Variants in WDPCP observed in about 807,000 individuals in gnomAD.
WDPCP encodes WD repeat-containing and planar cell polarity effector protein fritz homolog.
In WDPCP, 71 loss-of-function variants were observed where a neutral mutation model predicts 93.1. The observed-to-expected ratio is 0.76, with a 90% CI of 0.63 to 0.93. WDPCP has a LOEUF of 0.93. WDPCP is among the 40% of genes least tolerant of loss of function. The probability of loss-of-function intolerance (pLI) is 0.00; values close to 1 mark genes in which losing one functional copy is unlikely to be tolerated. For missense variants in WDPCP, 844 were observed against 887.4 expected, an observed-to-expected ratio of 0.95 and a Z score of 0.62; for synonymous variants, 315 against 315.0, an observed-to-expected ratio of 1.00 and a Z score of 0.00.
intron 10 of WDPCP, among the ~76,000 whole-genome samples, chr2:63,400,043 C>T (rs1694027643): frequency 4.0e-5 from 6 of 151,306 alleles, no homozygotes; most frequent in Admixed American, 2.6e-4. Context: ...ACCATAGAGC[C>T]AAATTCCATA....
intron 3 of WDPCP, chr2:63,643,331 C>A: frequency 2.6e-6 from 1 of 387,820 alleles, no homozygotes; most frequent in South Asian, 2.4e-5. Flanking sequence ...AGGCAGATAC[C>A]CTTTCCTCAG....
chr2:63,599,255 G>T, intron 3 of WDPCP: 1 of 1,613,720 alleles, frequency 6.2e-7, no homozygotes, highest in Non-Finnish European at 8.5e-7. Flanking sequence ...AACTTCAGTT[G>T]CTTGACTCGT....
intron 1 of WDPCP, among the ~76,000 whole-genome samples, chr2:63,509,215 G>A (rs975904402): frequency 3.9e-5 from 6 of 152,064 alleles, no homozygotes; most frequent in Non-Finnish European, 8.8e-5. Flanking sequence ...CAAAAGAATG[G>A]AAATCAAAAC....
chr2:63,136,204 A>G (rs190414915), intron 17 of WDPCP, among the ~76,000 whole-genome samples: 82 of 152,236 alleles, frequency 5.4e-4, no homozygotes, highest in African/African-American at 1.9e-3. Flanking sequence ...GAGGACTTTT[A>G]CCCAAACAGT....
chr2:63,553,517 C>T (rs1705838564), intron 1 of WDPCP, among the ~76,000 whole-genome samples: 1 of 151,992 alleles, frequency 6.6e-6, no homozygotes, highest in South Asian at 2.1e-4. Flanking sequence ...GTATTTTTTT[C>T]AAGATTTAAA....
chr2:63,706,640 C>T (rs1394921958), intron 2 of WDPCP, among the ~76,000 whole-genome samples: 8 of 115,916 alleles, frequency 6.9e-5, no homozygotes, highest in East Asian at 5.3e-4. Flanking sequence ...GACGGAGTCT[C>T]GCTCTGTCGC....
intron 12 of WDPCP, among the ~76,000 whole-genome samples, chr2:63,346,139 A>T (rs1438577680): frequency 1.3e-5 from 2 of 152,170 alleles, no homozygotes; most frequent in African/African-American, 4.8e-5. Context: ...GAGGAGCCCA[A>T]GAGATGGAGC....
intron 1 of WDPCP, among the ~76,000 whole-genome samples, chr2:63,574,361 G>A (rs557445726): frequency 5.9e-5 from 9 of 152,200 alleles, no homozygotes; most frequent in Admixed American, 4.6e-4. Flanking sequence ...AAGAACCTAC[G>A]TGAAATATCG....
intron 9 of WDPCP, among the ~76,000 whole-genome samples, chr2:63,422,759 T>C (rs1404233215): frequency 6.6e-6 from 1 of 152,184 alleles, no homozygotes; most frequent in Non-Finnish European, 1.5e-5. Context: ...TTGCCAAAAC[T>C]GACTACTAAC....
intron 13 of WDPCP, among the ~76,000 whole-genome samples, chr2:63,292,589 A>G (rs1055623374): frequency 2.0e-5 from 3 of 152,154 alleles, no homozygotes; most frequent in African/African-American, 4.8e-5. Context: ...TTGTCTACCT[A>G]TAGTCTAGCT....
chr2:63,546,018 T>C (rs921995693), intron 1 of WDPCP, among the ~76,000 whole-genome samples: 1 of 152,128 alleles, frequency 6.6e-6, no homozygotes, highest in African/African-American at 2.4e-5. Context: ...TCCTAAGATC[T>C]GACAGCCATA....
intron 2 of WDPCP, among the ~76,000 whole-genome samples, chr2:63,738,987 CTA>C (rs1669676790): frequency 6.6e-6 from 1 of 152,072 alleles, no homozygotes; most frequent in African/African-American, 2.4e-5. Context: ...AATATGTACT[CTA>C]TGTGTCTGGC....
rs115936871 is a variant in WDPCP, at chr2:63,710,504, T to A, written n.309-59666A>T. On this transcript the variant is annotated intron_variant and non_coding_transcript_variant, in intron 2 of 4. Transcript: ENST00000467687. ...TAAACAGTGCCTTGACTACTCTCAA[T>A]TGCACACATAGAGTATGCCCTCTCT... Among the ~76,000 whole-genome samples, 977 of 152,320 alleles carry A rather than the reference T, an allele frequency of 6.4e-3. 15 individuals carry two copies. Among genetic ancestry groups the A allele is most frequent in the African/African-American group, 0.022 (901 of 41,562 alleles).
intron 2 of WDPCP, among the ~76,000 whole-genome samples, chr2:63,760,077 G>A (rs1406075296): frequency 6.6e-6 from 1 of 152,202 alleles, no homozygotes; most frequent in African/African-American, 2.4e-5. Context: ...TGGGAGGCAG[G>A]ACTGTGAATG....
intron 2 of WDPCP, among the ~76,000 whole-genome samples, chr2:63,651,831 C>T (rs764835432): frequency 6.6e-6 from 1 of 152,192 alleles, no homozygotes; most frequent in Non-Finnish European, 1.5e-5. Flanking sequence ...CCCATCACAA[C>T]TTCTCATAAA....
chr2:63,595,484 T>C (rs780628969), intron 3 of WDPCP: 1 of 1,613,180 alleles, frequency 6.2e-7, no homozygotes, highest in East Asian at 2.2e-5. Flanking sequence ...GGTGTCCTAA[T>C]GGAACTGCAA....
At chr2:63,425,584 T>A (rs1283721726) in intron 9 of WDPCP, among the ~76,000 whole-genome samples, 2 of 152,106 alleles carry the variant, frequency 1.3e-5, no homozygotes, top group African/African-American at 4.8e-5. Flanking sequence ...CAAAATACAA[T>A]TGGAAGCATT....
chr2:63,259,936 T>C lies in WDPCP; in HGVS notation c.1813-527A>G, dbSNP rs1375878148. 3.3e-5 allele frequency among the ~76,000 whole-genome samples: 5 copies of C among 152,194 alleles called. 1 individual carries two copies. Among genetic ancestry groups the C allele is most frequent in the Admixed American group, 3.3e-4 (5 of 15,276 alleles). On this transcript the variant is annotated intron_variant, in intron 13 of 17. Transcript: ENST00000272321. ...TATAATACCATATCTCAGAAAGCTG[T>C]ATGCCCAGTGGGGAGAGAGACCACT...
chr2:63,735,949 CA>C (rs1196851269), intron 2 of WDPCP, among the ~76,000 whole-genome samples: 2 of 152,252 alleles, frequency 1.3e-5, no homozygotes, highest in Non-Finnish European at 2.9e-5. Flanking sequence ...GAGTCCTTTC[CA>C]GTTAAATTTT....
Sources: gnomAD v4.1 joint callset for allele counts (sites outside exome capture counted in the v4.1 genomes callset) on GRCh38, gnomAD v4.1.1 for gene constraint, MANE v1.5 for transcripts, NCBI Gene and HGNC (gene_info 2026-07-23, HGNC 2026-07-21) for gene names.